Variants in SUSD3 observed in about 807,000 individuals in gnomAD.
The protein encoded by SUSD3 is sushi domain containing 3.
A neutral mutation model predicts 20.6 loss-of-function variants in SUSD3; 18 were observed. The observed-to-expected ratio is 0.87, with a 90% CI of 0.60 to 1.30. The LOEUF is 1.30. SUSD3 is among the 50% of genes most tolerant of loss of function. The probability of loss-of-function intolerance (pLI) is 0.00; values close to 1 mark genes in which losing one functional copy is unlikely to be tolerated. For missense variants in SUSD3, 306 were observed against 346.9 expected (o/e 0.88, Z 0.94); for synonymous variants, 137 against 141.5 (o/e 0.97, Z 0.23).
chr9:93,082,411 G>A (rs1476213731), intron 4 of SUSD3, among the ~76,000 whole-genome samples: 2 of 144,260 alleles, frequency 1.4e-5, no homozygotes, highest in Non-Finnish European at 3.0e-5. Context: ...TCCGCCTCCC[G>A]GGTTCACACC....
At chr9:93,066,259 A>G (rs1013346747) in intron 1 of SUSD3, among the ~76,000 whole-genome samples, 1 of 152,166 alleles carries the variant, frequency 6.6e-6, no homozygotes, top group Non-Finnish European at 1.5e-5. Context: ...TTGGAGATGG[A>G]GTCTCCCTCT....
At chr9:93,079,433 T>C (rs1426961765) in intron 3 of SUSD3, 38 bp from the exon 4 acceptor site, 1 of 1,609,892 alleles carries the variant, frequency 6.2e-7, no homozygotes. Context: ...GGGATACACC[T>C]GCATGCTCAG....
chr9:93,078,551 C>T (rs970566741), intron 3 of SUSD3, among the ~76,000 whole-genome samples: 11 of 151,216 alleles, frequency 7.3e-5, no homozygotes, highest in South Asian at 2.1e-4. Flanking sequence ...CGTGAGCCAC[C>T]GCGCCCGGCC....
intron 2 of SUSD3, 100 bp from the exon 3 acceptor site, chr9:93,077,746 C>A: frequency 2.3e-6 from 3 of 1,326,152 alleles, no homozygotes; most frequent in Non-Finnish European, 2.1e-6. Flanking sequence ...GCCCTGTCTA[C>A]ACCCAGGCCC....
At chr9:93,079,654 G>A (rs776656831) in intron 4 of SUSD3, 52 bp downstream of exon 4, 2 of 1,599,176 alleles carry the variant, frequency 1.3e-6, no homozygotes, top group Admixed American at 3.4e-5. Context: ...GGTCCAGCTT[G>A]GTCAGGCCCC....
chr9:93,079,726 A>T lies in SUSD3; in HGVS notation c.557+124A>T, dbSNP rs190886424. Reference sequence around the variant, plus strand: ...GCTCCCACACGCCTAGCCCACCCAGAACCTTAACTCCCATCTCTAAAACAA... The same window carrying T: ...GCTCCCACACGCCTAGCCCACCCAGTACCTTAACTCCCATCTCTAAAACAA... On this transcript the variant is annotated intron_variant, in intron 4 of 4. Transcript: ENST00000375472. 1.1e-4 allele frequency: 111 copies of T among 996,480 alleles called. No homozygotes were observed. In the African/African-American group the frequency reaches 1.6e-3, roughly 14 times the overall value. The allele number at this position is 996,480 out of a possible 1,614,324, so 61.7% of individuals were successfully genotyped here.
At chr9:93,083,011 C>A (rs979389388) in intron 4 of SUSD3, among the ~76,000 whole-genome samples, 4 of 152,202 alleles carry the variant, frequency 2.6e-5, no homozygotes, top group Non-Finnish European at 5.9e-5. Context: ...CGGACGTGTG[C>A]GTCCCGTCCA....
rs548852149 is a variant in SUSD3, at chr9:93,059,547, T to C, written c.88+717T>C. Among the ~76,000 whole-genome samples the C allele has an allele frequency of 4.4e-4, 67 of 152,292 alleles. 1 individual carries two copies. In the South Asian group the frequency reaches 0.013, roughly 31 times the overall value. ...TTGAATGATTCTAAAGTCTAACCCT[T>C]TTAGAAACGGAACCAAACCGGAACT... On this transcript the variant is annotated intron_variant, in intron 1 of 4. Coordinates refer to ENST00000375472, the MANE Select transcript of SUSD3 (RefSeq NM_145006.4).
chr9:93,080,728 C>A (rs1432551133), intron 4 of SUSD3, among the ~76,000 whole-genome samples: 1 of 152,260 alleles, frequency 6.6e-6, no homozygotes, highest in Non-Finnish European at 1.5e-5. Context: ...TCTCAGCGGC[C>A]TCTGACTTGT....
At chr9:93,079,684 C>T in intron 4 of SUSD3, 82 bp downstream of exon 4, 1 of 1,463,764 alleles carries the variant, frequency 6.8e-7, no homozygotes. Flanking sequence ...GCTGCTCCCA[C>T]ACGCTGAGAG....
chr9:93,061,167 C>G (rs1315804859), intron 1 of SUSD3, among the ~76,000 whole-genome samples: 1 of 152,240 alleles, frequency 6.6e-6, no homozygotes, highest in African/African-American at 2.4e-5. Context: ...CTGTAGGTAA[C>G]CCCCCTGGCA....
At chr9:93,069,698 A>G (rs1438839808) in intron 1 of SUSD3, among the ~76,000 whole-genome samples, 1 of 152,132 alleles carries the variant, frequency 6.6e-6, no homozygotes, top group Non-Finnish European at 1.5e-5. Context: ...TCTATTTATA[A>G]TAGCTTTTAG....
At chr9:93,078,319 C>A (rs765465033) in intron 3 of SUSD3, among the ~76,000 whole-genome samples, 3 of 152,172 alleles carry the variant, frequency 2.0e-5, no homozygotes, top group Admixed American at 6.5e-5. Context: ...AGTACAGTAG[C>A]GTGATCTCAG....
intron 1 of SUSD3, among the ~76,000 whole-genome samples, chr9:93,072,402 C>G (rs910817432): frequency 2.0e-5 from 3 of 152,196 alleles, no homozygotes; most frequent in Non-Finnish European, 2.9e-5. Flanking sequence ...TGTGACCTGG[C>G]CAGCTGCAGC....
intron 1 of SUSD3, among the ~76,000 whole-genome samples, chr9:93,073,878 G>A (rs533915871): frequency 6.6e-6 from 1 of 152,338 alleles, no homozygotes; most frequent in Admixed American, 6.5e-5. Context: ...TTAGACCAGA[G>A]CCTCCTTGTC....
chr9:93,074,320 C>T (rs1826034120), intron 1 of SUSD3, among the ~76,000 whole-genome samples: 1 of 150,678 alleles, frequency 6.6e-6, no homozygotes, highest in South Asian at 2.1e-4. Flanking sequence ...ATCCCAGCTA[C>T]TCGGGAGGGT....
At chr9:93,081,334 T>C (rs1286278560) in intron 4 of SUSD3, among the ~76,000 whole-genome samples, 1 of 152,134 alleles carries the variant, frequency 6.6e-6, no homozygotes, top group African/African-American at 2.4e-5. Context: ...TTCCCTTCCT[T>C]CAGGCCCTCC....
intron 1 of SUSD3, among the ~76,000 whole-genome samples, chr9:93,075,411 CTTTTTTTTTT>C (rs58393196): frequency 0.014 from 1,459 of 101,336 alleles, 31 homozygotes; most frequent in African/African-American, 0.051. Flanking sequence ...CTCTGTCCCT[CTTTTTTTTTT>C]TTTTTTTTTT....
intron 2 of SUSD3, 127 bp from the exon 3 acceptor site, chr9:93,077,719 C>T (rs1255961020): frequency 6.5e-6 from 6 of 923,496 alleles, no homozygotes; most frequent in African/African-American, 5.0e-5. Flanking sequence ...AAACAGGGCT[C>T]ACTGAGGGCT....
Sources: gnomAD v4.1 joint callset for allele counts (sites outside exome capture counted in the v4.1 genomes callset) on GRCh38, gnomAD v4.1.1 for gene constraint, MANE v1.5 for transcripts, NCBI Gene and HGNC (gene_info 2026-07-23, HGNC 2026-07-21) for gene names.